BTBD9: variants seen among roughly 807,000 people sequenced by gnomAD.
The protein encoded by BTBD9 is BTB domain containing 9, also known as BTB/POZ domain-containing protein 9.
Under a neutral mutation model 64.3 loss-of-function variants are expected in BTBD9, and 49 were observed. That is an observed-to-expected ratio of 0.76 (90% CI 0.61 to 0.97). The LOEUF is 0.97. Ranked by LOEUF, BTBD9 falls within the 50% of genes least tolerant of loss-of-function variation. The pLI is 0.00. For missense variants in BTBD9, 598 were observed against 762.1 expected (o/e 0.78, Z 2.53); for synonymous variants, 260 against 274.7 (o/e 0.95, Z 0.53).
intron 10 of BTBD9, among the ~76,000 whole-genome samples, chr6:38,177,088 A>C (rs1214640847): frequency 2.0e-5 from 3 of 152,148 alleles, no homozygotes; most frequent in African/African-American, 7.2e-5. Context: ...CCCTGCTGAC[A>C]CAGGAGCTCT....
chr6:38,192,401 G>C, intron 10 of BTBD9, 118 bp downstream of exon 10: 1 of 869,758 alleles, frequency 1.1e-6, no homozygotes, highest in East Asian at 2.6e-5. Flanking sequence ...TCCACACCAA[G>C]CTGTCTGAAT....
intron 1 of BTBD9, among the ~76,000 whole-genome samples, chr6:38,638,899 C>T (rs1248672317): frequency 6.6e-6 from 1 of 152,168 alleles, no homozygotes; most frequent in Non-Finnish European, 1.5e-5. Context: ...GTCCAGAGCA[C>T]TGAGAAGACA....
At chr6:38,609,890 T>G (rs1777553846) in intron 1 of BTBD9, among the ~76,000 whole-genome samples, 1 of 152,218 alleles carries the variant, frequency 6.6e-6, no homozygotes, top group African/African-American at 2.4e-5. Flanking sequence ...AGCACCAACT[T>G]GGGATGTCAC....
At chr6:38,478,195 T>C (rs1302665508) in intron 6 of BTBD9, among the ~76,000 whole-genome samples, 1 of 152,194 alleles carries the variant, frequency 6.6e-6, no homozygotes, top group Non-Finnish European at 1.5e-5. Context: ...CACCAGTCTC[T>C]GATTACGTGC....
In BTBD9 at chr6:38,202,233, C is replaced by T. The variant is rs557738660; in HGVS notation, c.1563-9636G>A. 7.3e-5 allele frequency among the ~76,000 whole-genome samples: 11 copies of T among 151,650 alleles called. No individual in the cohort carries two copies. In the South Asian group the frequency reaches 1.5e-3, roughly 20 times the overall value. On this transcript the variant is annotated intron_variant, in intron 9 of 10. Coordinates refer to ENST00000481247, the MANE Select transcript of BTBD9 (RefSeq NM_001099272.2). ...CCGAGTAGCTGGGACTATGAGTGTG[C>T]GGCACCACACCCAGCTAATTTTTTT...
intron 4 of BTBD9, among the ~76,000 whole-genome samples, chr6:38,580,833 T>C (rs1776251353): frequency 6.6e-6 from 1 of 152,240 alleles, no homozygotes; most frequent in Non-Finnish European, 1.5e-5. Context: ...TTAATAAAAC[T>C]AGAAAAGGCA....
intron 6 of BTBD9, among the ~76,000 whole-genome samples, chr6:38,497,779 G>C (rs548857750): frequency 2.6e-5 from 4 of 152,260 alleles, no homozygotes; most frequent in Non-Finnish European, 5.9e-5. Context: ...TCCAACTACT[G>C]AGCAACCATT....
chr6:38,193,891 C>G, intron 9 of BTBD9: 1 of 985,364 alleles, frequency 1.0e-6, no homozygotes. Context: ...TCACTGCTGC[C>G]TGGACACCAG....
chr6:38,461,211 T>A (rs1443163427), intron 6 of BTBD9, among the ~76,000 whole-genome samples: 4 of 152,214 alleles, frequency 2.6e-5, no homozygotes, highest in Admixed American at 2.6e-4. Flanking sequence ...GTATTTGAGA[T>A]GAACAATTTG....
chr6:38,633,182 T>C (rs1424090192), intron 1 of BTBD9, among the ~76,000 whole-genome samples: 2 of 152,160 alleles, frequency 1.3e-5, no homozygotes, highest in African/African-American at 2.4e-5. Context: ...ACAGTAGAAA[T>C]GAGACTGCAT....
At chr6:38,517,027 T>G (rs1773060151) in intron 6 of BTBD9, among the ~76,000 whole-genome samples, 1 of 152,090 alleles carries the variant, frequency 6.6e-6, no homozygotes, top group African/African-American at 2.4e-5. Context: ...TGTCCAGAGC[T>G]CCAAAGAGCC....
At chr6:38,459,238 C>G (rs541196938) in intron 6 of BTBD9, among the ~76,000 whole-genome samples, 4 of 152,226 alleles carry the variant, frequency 2.6e-5, no homozygotes, top group Admixed American at 1.3e-4. Context: ...AGGCTGGTCT[C>G]GAACTCCTGA....
Position 38,464,219 on chromosome 6 carries a change from T to C in BTBD9, c.1154+113381A>G, listed in dbSNP as rs545170548. ...GAGATCAAACTTGCCAATGCCTTGATTTTGGACTTCTAACTTTCAGACTCG... is the reference window on the plus strand; with the variant it reads ...GAGATCAAACTTGCCAATGCCTTGACTTTGGACTTCTAACTTTCAGACTCG... On this transcript the variant is annotated intron_variant, in intron 6 of 10. Coordinates refer to ENST00000481247, the MANE Select transcript of BTBD9 (RefSeq NM_001099272.2). 2.1e-4 allele frequency among the ~76,000 whole-genome samples: 32 copies of C among 152,270 alleles called. No individual in the cohort carries two copies. In the South Asian group the frequency reaches 6.0e-3, roughly 29 times the overall value.
At chr6:38,271,215 G>A (rs1414776092) in intron 8 of BTBD9, among the ~76,000 whole-genome samples, 3 of 152,146 alleles carry the variant, frequency 2.0e-5, no homozygotes, top group Non-Finnish European at 4.4e-5. Context: ...ATGCTCTTCT[G>A]AGGTCAGAGT....
chr6:38,553,217 G>C (rs1774889963), intron 6 of BTBD9, among the ~76,000 whole-genome samples: 1 of 152,076 alleles, frequency 6.6e-6, no homozygotes, highest in South Asian at 2.1e-4. Context: ...ACAGCTGACT[G>C]TATCAGAAAA....
rs1448069316 is a variant in BTBD9, at chr6:38,261,096, C to T, written c.1455-4580G>A. Among the ~76,000 whole-genome samples, 5 of 152,076 alleles carry T rather than the reference C, an allele frequency of 3.3e-5. No homozygotes were observed. In the East Asian group the frequency reaches 7.7e-4, roughly 24 times the overall value. On this transcript the variant is annotated intron_variant, in intron 8 of 10. Transcript: ENST00000481247. ...CTAGGACTACAGGTGCACACCACCA[C>T]GCCCAGCTGATATTTTTTTTTTTTT...
chr6:38,312,108 G>A (rs1308399127), intron 7 of BTBD9, among the ~76,000 whole-genome samples: 4 of 151,988 alleles, frequency 2.6e-5, no homozygotes, highest in Non-Finnish European at 4.4e-5. Context: ...TGATCCACCC[G>A]CCTCGGCCTC....
chr6:38,375,933 AAG>A (rs1765670707), intron 6 of BTBD9, among the ~76,000 whole-genome samples: 1 of 135,024 alleles, frequency 7.4e-6, no homozygotes, highest in Non-Finnish European at 1.5e-5. Context: ...GAAAGAAAGA[AAG>A]AAAGAAGGAA....
At chr6:38,415,116 AC>A (rs1484146039) in intron 6 of BTBD9, among the ~76,000 whole-genome samples, 6 of 152,298 alleles carry the variant, frequency 3.9e-5, no homozygotes, top group African/African-American at 1.4e-4. Context: ...CTAGCTACCT[AC>A]AAAGGCATAC....
Sources: gnomAD v4.1 joint callset for allele counts (sites outside exome capture counted in the v4.1 genomes callset) on GRCh38, gnomAD v4.1.1 for gene constraint, MANE v1.5 for transcripts, NCBI Gene and HGNC (gene_info 2026-07-23, HGNC 2026-07-21) for gene names.